The following EML4 variants were observed in gnomAD, a reference collection of about 807,000 sequenced individuals.
The protein encoded by EML4 is echinoderm microtubule-associated protein-like 4.
A neutral mutation model predicts 129.0 loss-of-function variants in EML4; 72 were observed. The ratio of observed to expected loss-of-function variants is 0.56; its 90% CI spans 0.46 to 0.68. EML4 has a LOEUF of 0.68. Among genes scored for constraint, EML4 ranks in the 30% least tolerant of loss-of-function variants. The pLI, the probability that EML4 is intolerant of heterozygous loss-of-function variation, is 0.00. For synonymous variants in EML4, 532 were observed against 405.0 expected (o/e 1.31, Z -3.77); for missense variants, 1,363 against 1,190.6 (o/e 1.14, Z -2.13).
intron 18 of EML4, among the ~76,000 whole-genome samples, chr2:42,316,750 CTT>C (rs1669265763): frequency 6.6e-6 from 1 of 152,152 alleles, no homozygotes; most frequent in Non-Finnish European, 1.5e-5. Flanking sequence ...TCCAGAGAAT[CTT>C]TTTGATTGCT....
chr2:42,172,653 C>CT (rs879914130), intron 1 of EML4, among the ~76,000 whole-genome samples: 116 of 145,936 alleles, frequency 7.9e-4, no homozygotes, highest in African/African-American at 1.8e-3. Context: ...CTTTAGAAAC[C>CT]TTTTTTTTTT....
chr2:42,318,470 C>G (rs1013358815), intron 19 of EML4, among the ~76,000 whole-genome samples: 2 of 152,064 alleles, frequency 1.3e-5, no homozygotes, highest in African/African-American at 4.8e-5. Flanking sequence ...AACCAGAGTC[C>G]ATTTGTAAAC....
chr2:42,235,342 C>A (rs1313566649), intron 1 of EML4, among the ~76,000 whole-genome samples: 1 of 147,786 alleles, frequency 6.8e-6, no homozygotes, highest in East Asian at 2.0e-4. Flanking sequence ...CACCTGTAAT[C>A]CCAGCTACTC....
At chr2:42,211,886 C>A (rs56012604) in intron 1 of EML4, among the ~76,000 whole-genome samples, 4,498 of 152,048 alleles carry the variant, frequency 0.03, 221 homozygotes, top group African/African-American at 0.1. Context: ...ACTCTGTCGC[C>A]CAGGTTGGAG....
intron 13 of EML4, among the ~76,000 whole-genome samples, chr2:42,297,440 T>G (rs1294096845): frequency 6.6e-6 from 1 of 152,174 alleles, no homozygotes; most frequent in South Asian, 2.1e-4. Flanking sequence ...TTGAAAAATT[T>G]GTGGCTCAAC....
intron 10 of EML4, among the ~76,000 whole-genome samples, chr2:42,286,697 A>T (rs1384401152): frequency 6.6e-6 from 1 of 152,232 alleles, no homozygotes; most frequent in Non-Finnish European, 1.5e-5. Context: ...TCAGACAAGC[A>T]ATAGGATGCA....
At chr2:42,308,670 T>C (rs1369144796) in intron 17 of EML4, among the ~76,000 whole-genome samples, 1 of 152,182 alleles carries the variant, frequency 6.6e-6, no homozygotes, top group Non-Finnish European at 1.5e-5. Flanking sequence ...GCAGCTATCC[T>C]CACAGTCTAA....
intron 1 of EML4, among the ~76,000 whole-genome samples, chr2:42,230,495 C>T (rs1674263840): frequency 6.6e-6 from 1 of 152,192 alleles, no homozygotes; most frequent in Non-Finnish European, 1.5e-5. Context: ...TAACCTCCGC[C>T]TCCCAGGTTC....
chr2:42,216,477 G>A (rs538653157), intron 1 of EML4, among the ~76,000 whole-genome samples: 2 of 151,458 alleles, frequency 1.3e-5, no homozygotes, highest in Admixed American at 6.6e-5. Flanking sequence ...TCCTGACGTC[G>A]TGATCCACCT....
At chr2:42,181,376 G>A (rs1245372498) in intron 1 of EML4, among the ~76,000 whole-genome samples, 2 of 152,010 alleles carry the variant, frequency 1.3e-5, no homozygotes, top group African/African-American at 4.8e-5. Context: ...ACGGCTCACC[G>A]CATCCTCCAC....
Position 42,331,763 on chromosome 2 carries a change from T to G in EML4, c.*1556T>G, listed in dbSNP as rs1239645370. 2 of 221,394 alleles carry G rather than the reference T, an allele frequency of 9.0e-6. No homozygotes were observed. The highest frequency in any genetic ancestry group is 6.6e-5 in the East Asian group (1 of 15,146). 13.7% of individuals were successfully genotyped at this position (221,394 alleles called of 1,614,324 possible). A position where few individuals can be genotyped will look rare whatever the true frequency, so the allele number is the denominator to read the frequency against. On this transcript the variant is annotated 3_prime_UTR_variant, in exon 23 of 23. Coordinates refer to ENST00000318522, the MANE Select transcript of EML4 (RefSeq NM_019063.5). ...AACTCCAGTGAACTCCCAAGGACAT[T>G]TACAACATTTATATTCACACGCTGT...
chr2:42,267,549 G>A (rs1666127552), intron 6 of EML4, among the ~76,000 whole-genome samples: 1 of 152,150 alleles, frequency 6.6e-6, no homozygotes. Flanking sequence ...TAGGTGAGTG[G>A]TAACAGAGAA....
chr2:42,302,781 G>C (rs149646348), intron 14 of EML4, among the ~76,000 whole-genome samples: 1 of 152,216 alleles, frequency 6.6e-6, no homozygotes, highest in African/African-American at 2.4e-5. Context: ...TGATCCACCC[G>C]CATTGGCCTC....
chr2:42,326,123 A>T (rs367797754), intron 20 of EML4, 31 bp from the exon 21 acceptor site: 2 of 1,610,098 alleles, frequency 1.2e-6, no homozygotes, highest in Non-Finnish European at 8.5e-7. Context: ...CACAAGCACT[A>T]TGATTATACT....
intron 1 of EML4, among the ~76,000 whole-genome samples, chr2:42,180,518 G>A (rs1452113814): frequency 1.3e-5 from 2 of 152,148 alleles, no homozygotes; most frequent in African/African-American, 4.8e-5. Context: ...CATGCAGCTT[G>A]TTTTAGTCAT....
At position 42,320,586 on chromosome 2, in the gene EML4, T is replaced by C. The variant is rs560256316; in HGVS notation, c.2154+3062T>C. 9.1e-4 allele frequency among the ~76,000 whole-genome samples: 139 copies of C among 152,332 alleles called. 1 individual carries two copies. Among genetic ancestry groups the C allele is most frequent in the African/African-American group, 3.0e-3 (125 of 41,584 alleles). On this transcript the variant is annotated intron_variant, in intron 19 of 22. Transcript: ENST00000318522. ...TTTCCATGACTAGATGAGCCTGGGT[T>C]GTACCTACGGGTATTTTTCAGCATT... is the stretch of plus-strand genomic sequence containing the variant.
intron 6 of EML4, among the ~76,000 whole-genome samples, chr2:42,266,037 T>G (rs1666045319): frequency 1.3e-5 from 2 of 152,266 alleles, no homozygotes. Context: ...TGTTTCATAG[T>G]TAGCCTTATT....
In EML4 at chr2:42,269,834, C is replaced by G. The variant is rs61135217; in HGVS notation, c.667+5103C>G. On this transcript the variant is annotated intron_variant, in intron 6 of 22. Transcript: ENST00000318522. ...CAATTACATTTATAAAATACAGATT[C>G]ATTCCAAGCAAGAGAAGTTTCATGA... 4.6e-3 allele frequency among the ~76,000 whole-genome samples: 706 copies of G among 152,180 alleles called. 38 individuals are homozygous for G. In the East Asian group the frequency reaches 0.11, roughly 25 times the overall value.
intron 1 of EML4, among the ~76,000 whole-genome samples, chr2:42,184,220 C>G (rs1321132744): frequency 6.6e-6 from 1 of 152,024 alleles, no homozygotes; most frequent in African/African-American, 2.4e-5. Context: ...CATTCTAACA[C>G]ACTGTTTTCT....
Sources: gnomAD v4.1 joint callset for allele counts (sites outside exome capture counted in the v4.1 genomes callset) on GRCh38, gnomAD v4.1.1 for gene constraint, MANE v1.5 for transcripts, NCBI Gene and HGNC (gene_info 2026-07-23, HGNC 2026-07-21) for gene names.